Variants in PAX5 observed in about 807,000 individuals in gnomAD.
PAX5 encodes paired box protein Pax-5.
Under a neutral mutation model 43.7 loss-of-function variants are expected in PAX5, and 9 were observed. The observed-to-expected ratio is 0.21, with a 90% CI of 0.12 to 0.36. The LOEUF (loss-of-function observed/expected upper bound fraction) is 0.36, where lower values mean the gene tolerates loss of function less well. PAX5 is among the 10% of genes least tolerant of loss of function. The probability of loss-of-function intolerance (pLI) is 1.00; values close to 1 mark genes in which losing one functional copy is unlikely to be tolerated. For missense variants in PAX5, 383 were observed against 532.7 expected (o/e 0.72, Z 2.77); for synonymous variants, 228 against 214.3 (o/e 1.06, Z -0.56).
chr9:36,930,947 G>T, intron 6 of PAX5: 1 of 785,270 alleles, frequency 1.3e-6, no homozygotes, highest in Non-Finnish European at 1.9e-6. Flanking sequence ...GGGCACCACT[G>T]CCATAGCATG....
chr9:37,006,282 T>A (rs942729281), intron 4 of PAX5, among the ~76,000 whole-genome samples, 191 bp downstream of exon 4: 1 of 152,166 alleles, frequency 6.6e-6, no homozygotes, highest in African/African-American at 2.4e-5. Flanking sequence ...TCAGTAAAAT[T>A]CAAAACCTTT....
chr9:36,925,803 A>T (rs1830599429), intron 6 of PAX5, among the ~76,000 whole-genome samples: 1 of 152,132 alleles, frequency 6.6e-6, no homozygotes, highest in Non-Finnish European at 1.5e-5. Flanking sequence ...GTTCCTGCTC[A>T]CTGTGGGGTT....
At chr9:36,877,228 G>A (rs62534679) in intron 8 of PAX5, among the ~76,000 whole-genome samples, 73,691 of 152,034 alleles carry the variant, frequency 0.48, 21,275 homozygotes, top group East Asian at 0.68. Context: ...CCAGCTACTC[G>A]GGAGGCTGAG....
chr9:36,851,966 C>T (rs1823203530), intron 8 of PAX5, among the ~76,000 whole-genome samples: 1 of 152,228 alleles, frequency 6.6e-6, no homozygotes, highest in East Asian at 1.9e-4. Flanking sequence ...CACACAGACC[C>T]AAGCTCCAGG....
chr9:36,941,012 T>A (rs769030460), intron 6 of PAX5, among the ~76,000 whole-genome samples: 3 of 152,166 alleles, frequency 2.0e-5, no homozygotes, highest in Non-Finnish European at 4.4e-5. Flanking sequence ...CCAGAAGCAC[T>A]AGAGCTGCTG....
intron 4 of PAX5, 46 bp downstream of exon 4, chr9:37,006,427 T>A: frequency 7.4e-7 from 1 of 1,344,366 alleles, no homozygotes. Context: ...TTTAGAATAT[T>A]TGGAGCCCAT....
intron 6 of PAX5, among the ~76,000 whole-genome samples, chr9:36,944,411 C>T (rs374868099): frequency 7.2e-5 from 11 of 152,104 alleles, no homozygotes; most frequent in South Asian, 2.1e-4. Context: ...GGAGCCAGGA[C>T]GGCACCCAGA....
intron 5 of PAX5, 56 bp downstream of exon 5, chr9:37,002,592 C>T: frequency 1.3e-6 from 2 of 1,570,226 alleles, no homozygotes; most frequent in Non-Finnish European, 1.7e-6. Context: ...CGACCGAGCG[C>T]CGGAAACAGA....
At chr9:36,998,416 A>T (rs1022867595) in intron 5 of PAX5, among the ~76,000 whole-genome samples, 3 of 152,234 alleles carry the variant, frequency 2.0e-5, no homozygotes, top group Non-Finnish European at 2.9e-5. Context: ...AAACAAAAGC[A>T]CCCTTGACTG....
At chr9:37,000,736 G>T (rs1270157333) in intron 5 of PAX5, among the ~76,000 whole-genome samples, 1 of 152,144 alleles carries the variant, frequency 6.6e-6, no homozygotes, top group Non-Finnish European at 1.5e-5. Context: ...ACCTCCCGAG[G>T]CATCTCCTTT....
chr9:36,857,448 CAGGGAACTGCCT>C (rs1823788240), intron 8 of PAX5, among the ~76,000 whole-genome samples: 1 of 152,216 alleles, frequency 6.6e-6, no homozygotes, highest in South Asian at 2.1e-4. Flanking sequence ...CTTCAATCCT[CAGGGAACTGCCT>C]GCATTAAAGG....
chr9:36,901,659 G>A (rs1308866417), intron 7 of PAX5, among the ~76,000 whole-genome samples: 2 of 152,092 alleles, frequency 1.3e-5, no homozygotes, highest in South Asian at 2.1e-4. Flanking sequence ...TCTGGGATTG[G>A]AGCCCAGCGC....
At position 36,883,337 on chromosome 9, in the gene PAX5, A is replaced by G. The variant is rs76787155; in HGVS notation, c.911-1232T>C. Among the ~76,000 whole-genome samples, 972 of 152,334 alleles carry G rather than the reference A, an allele frequency of 6.4e-3. 8 individuals are homozygous for G. The highest frequency in any genetic ancestry group is 0.021 in the African/African-American group (875 of 41,580). On this transcript the variant is annotated intron_variant, in intron 7 of 9. Transcript: ENST00000358127. ...CTCAAGAAGCCAGATAAAAATCTATAAAATGAACCCAGGGAAAGAAGGAGG... is the reference window on the plus strand; with the variant it reads ...CTCAAGAAGCCAGATAAAAATCTATGAAATGAACCCAGGGAAAGAAGGAGG...
At chr9:36,854,825 G>A (rs1823504208) in intron 8 of PAX5, among the ~76,000 whole-genome samples, 1 of 152,216 alleles carries the variant, frequency 6.6e-6, no homozygotes, top group Non-Finnish European at 1.5e-5. Context: ...ACAGAGGGAA[G>A]AGAAAAACCG....
intron 1 of PAX5, among the ~76,000 whole-genome samples, chr9:37,032,939 C>G (rs1841130623): frequency 6.6e-6 from 1 of 152,248 alleles, no homozygotes; most frequent in Non-Finnish European, 1.5e-5. Context: ...CACATGCATC[C>G]ACCCACTGTG....
At position 37,022,396 on chromosome 9, in the gene PAX5, G is replaced by A. The variant is rs150887718; in HGVS notation, c.47-1595C>T. On this transcript the variant is annotated intron_variant, in intron 1 of 9. Coordinates refer to ENST00000358127, the MANE Select transcript of PAX5 (RefSeq NM_016734.3). ...AAGAGCCTTCAGAAGGCTTTGTTCT[G>A]GGGCTGGGAACACCTATTTAAAAAG... 1.1e-4 allele frequency among the ~76,000 whole-genome samples: 16 copies of A among 152,334 alleles called. 1 individual carries two copies. In the East Asian group the frequency reaches 2.9e-3, roughly 27 times the overall value.
chr9:37,027,319 C>T (rs1027144334), intron 1 of PAX5, among the ~76,000 whole-genome samples: 1 of 152,204 alleles, frequency 6.6e-6, no homozygotes, highest in Admixed American at 6.5e-5. Context: ...TCAAAGTTCC[C>T]GCGGCCCCCG....
chr9:36,894,101 T>C (rs1827651088), intron 7 of PAX5, among the ~76,000 whole-genome samples: 1 of 152,150 alleles, frequency 6.6e-6, no homozygotes, highest in Non-Finnish European at 1.5e-5. Flanking sequence ...GGTACATGCC[T>C]ATATCAAGCC....
chr9:36,938,661 A>T (rs1052625564), intron 6 of PAX5, among the ~76,000 whole-genome samples: 2 of 152,210 alleles, frequency 1.3e-5, no homozygotes, highest in Admixed American at 1.3e-4. Flanking sequence ...GGAAAGGAAG[A>T]GGTTTTATCC....
Sources: gnomAD v4.1 joint callset for allele counts (sites outside exome capture counted in the v4.1 genomes callset) on GRCh38, gnomAD v4.1.1 for gene constraint, MANE v1.5 for transcripts, NCBI Gene and HGNC (gene_info 2026-07-23, HGNC 2026-07-21) for gene names.